The following PIK3CD variants were observed in gnomAD, a reference collection of about 807,000 sequenced individuals.
PIK3CD encodes phosphatidylinositol-4,5-bisphosphate 3-kinase catalytic subunit delta.
PIK3CD carries 20 observed loss-of-function variants against 122.9 expected under a neutral mutation model. That is an observed-to-expected ratio of 0.16 (90% CI 0.11 to 0.24). The LOEUF (loss-of-function observed/expected upper bound fraction) is 0.24, where lower values mean the gene tolerates loss of function less well. Ranked by LOEUF, PIK3CD falls within the 10% of genes least tolerant of loss-of-function variation. PIK3CD has a pLI of 1.00. For missense variants in PIK3CD, 787 were observed against 1,406.3 expected, an observed-to-expected ratio of 0.56 and a Z score of 7.04; for synonymous variants, 596 against 593.4, an observed-to-expected ratio of 1.00 and a Z score of -0.06.
upstream of PIK3CD, among the ~76,000 whole-genome samples, chr1:9,650,060 T>C (rs1644643506): frequency 6.6e-6 from 1 of 152,154 alleles, no homozygotes; most frequent in South Asian, 2.1e-4. Flanking sequence ...AATACAAGAC[T>C]GGATGAAGGC....
chr1:9,654,460 C>G, intron 1 of PIK3CD: 1 of 1,340,202 alleles, frequency 7.5e-7, no homozygotes, highest in South Asian at 1.1e-5. Flanking sequence ...GCTTACAGGA[C>G]AGACAGTCCA....
rs1649843991 is a variant in PIK3CD at position 9,727,468 on chromosome 1, C to T, written c.*422C>T. 2 of 382,380 alleles carry T rather than the reference C, an allele frequency of 5.2e-6. No homozygotes were observed. Among genetic ancestry groups the T allele is most frequent in the African/African-American group, 2.0e-5 (1 of 48,888 alleles). 23.7% of individuals were successfully genotyped at this position (382,380 alleles called of 1,614,324 possible). ...GATGCCTTGATCCTCGTGCGACCCA[C>T]CCTGTGTATCCTCCCTAGACTGAGT... On this transcript the variant is annotated 3_prime_UTR_variant, in exon 24 of 24. Coordinates refer to ENST00000377346, the MANE Select transcript of PIK3CD (RefSeq NM_005026.5).
rs1646985628 is a variant in PIK3CD, at chr1:9,710,002, G to A, written c.-32-422G>A. Among the ~76,000 whole-genome samples, 1 of 150,580 alleles carries A rather than the reference G, an allele frequency of 6.6e-6. No homozygotes were observed. The highest frequency in any genetic ancestry group is 2.5e-5 in the African/African-American group (1 of 40,678). On this transcript the variant is annotated intron_variant, in intron 2 of 23. Transcript: ENST00000377346. The surrounding 1 kb of genome is among the most constrained non-coding windows in gnomAD (Gnocchi z 4.7). Reference sequence around the variant, plus strand: ...GCCTGGGTGACAGAGCAAGACTCCGGCTCAAAAAAAAAAAAAGAATGTATT... The same window carrying A: ...GCCTGGGTGACAGAGCAAGACTCCGACTCAAAAAAAAAAAAAGAATGTATT...
upstream of PIK3CD, among the ~76,000 whole-genome samples, chr1:9,651,443 G>A (rs775801667): frequency 2.6e-5 from 4 of 152,134 alleles, no homozygotes; most frequent in Non-Finnish European, 5.9e-5. Context: ...GCGTGAAGGC[G>A]GAGCGCTTAA....
At chr1:9,635,247 C>T in the PIK3CD span, among the ~76,000 whole-genome samples, 2 of 149,814 alleles carry the variant, frequency 1.3e-5, no homozygotes, top group Admixed American at 6.7e-5. Flanking sequence ...TGTACTCCAG[C>T]CTGGGCAACA....
rs1395291518 is a variant in PIK3CD, at chr1:9,719,485, C to T, written c.1243-436C>T. Among the ~76,000 whole-genome samples the T allele has an allele frequency of 5.3e-4, 81 of 152,078 alleles. 1 individual carries two copies. Among genetic ancestry groups the T allele is most frequent in the Non-Finnish European group, 1.5e-4 (10 of 68,006 alleles). On this transcript the variant is annotated intron_variant, in intron 9 of 23. Coordinates refer to ENST00000377346, the MANE Select transcript of PIK3CD (RefSeq NM_005026.5). The surrounding 1 kb of genome is among the most constrained non-coding windows in gnomAD (Gnocchi z 5.5). ...ACCAGCCTGGCCAATATGGTGAAACCCTGTCTCTACTGAAAATACAAAAAA... is the reference window on the plus strand; with the variant it reads ...ACCAGCCTGGCCAATATGGTGAAACTCTGTCTCTACTGAAAATACAAAAAA...
rs1336207078 is a variant in PIK3CD, at chr1:9,681,618, G to T, written c.-137-9849G>T. ...TGGTTTCACCATGTTAGCCAGGCTG[G>T]CTTGAACTCCTGACCTCAGGCAATC... is the stretch of plus-strand genomic sequence containing the variant. On this transcript the variant is annotated intron_variant, in intron 1 of 23. Coordinates refer to ENST00000377346, the MANE Select transcript of PIK3CD (RefSeq NM_005026.5). 2.0e-5 allele frequency among the ~76,000 whole-genome samples: 3 copies of T among 152,286 alleles called. No homozygotes were observed. In the East Asian group the frequency reaches 5.8e-4, roughly 29 times the overall value.
chr1:9,721,165 C>T lies in PIK3CD; in HGVS notation c.1728C>T (p.Val576=). ...YLLCSWPELP[V]LSALELLDFS... ...TGTGCTCCTGGCCGGAGCTGCCCGTCCTGAGCGCCCTGGAGCTGCTAGACT... is the reference window on the plus strand; with the variant it reads ...TGTGCTCCTGGCCGGAGCTGCCCGTTCTGAGCGCCCTGGAGCTGCTAGACT... The change falls in exon 14 of 24, where the codon GTC becomes GTT. Residue 576 remains valine (V), a synonymous_variant. Coordinates refer to ENST00000377346, the MANE Select transcript of PIK3CD (RefSeq NM_005026.5). 6.2e-7 allele frequency: 1 copy of T among 1,613,120 alleles called. No individual in the cohort carries two copies. Among genetic ancestry groups the T allele is most frequent in the South Asian group, 1.1e-5 (1 of 91,088 alleles).
the PIK3CD span, among the ~76,000 whole-genome samples, chr1:9,628,725 G>A: frequency 1.3e-5 from 2 of 152,206 alleles, no homozygotes; most frequent in Non-Finnish European, 2.9e-5. Context: ...TGAGGGCTCT[G>A]TGGAATGTTG....
chr1:9,641,088 AT>A, the PIK3CD span, among the ~76,000 whole-genome samples: 1 of 151,924 alleles, frequency 6.6e-6, no homozygotes, highest in Non-Finnish European at 1.5e-5. Flanking sequence ...ACTGTATCTT[AT>A]TTTTATTCTT....
At chr1:9,644,711 C>A in the PIK3CD span, among the ~76,000 whole-genome samples, 1 of 151,362 alleles carries the variant, frequency 6.6e-6, no homozygotes, top group Non-Finnish European at 1.5e-5. Context: ...TTTGAATTGT[C>A]AAAAAAAATG....
rs371514586 is a variant in PIK3CD at position 9,722,169 on chromosome 1, G to A, written c.2234+16G>A. 5.6e-5 allele frequency: 90 copies of A among 1,612,138 alleles called. No homozygotes were observed. The highest frequency in any genetic ancestry group is 2.0e-4 in the African/African-American group (15 of 74,838). Reference sequence around the variant, plus strand: ...CTGAAGTCTGGTGAGCCCAAGCCCCGCCACAAGGGTTCCTCCCACCCCTGG... The same window carrying A: ...CTGAAGTCTGGTGAGCCCAAGCCCCACCACAAGGGTTCCTCCCACCCCTGG... On this transcript the variant is annotated intron_variant, in intron 17 of 23. Coordinates refer to ENST00000377346, the MANE Select transcript of PIK3CD (RefSeq NM_005026.5). This position sits in a 1 kb window ranked among gnomAD's most constrained non-coding sequence, Gnocchi z 7.6.
chr1:9,720,715 G>T lies in PIK3CD; in HGVS notation c.1522-27G>T, dbSNP rs769665023. On this transcript the variant is annotated intron_variant, in intron 12 of 23. Transcript: ENST00000377346. The surrounding 1 kb of genome is among the most constrained non-coding windows in gnomAD (Gnocchi z 9.0). ...GGCATGGAGCCGGCGTGGAACCAGA[G>T]CCCTCACTCCTGCCCACACCCCTCA... 1 of 1,604,144 alleles carries T rather than the reference G, an allele frequency of 6.2e-7. No individual in the cohort carries two copies. The highest frequency in any genetic ancestry group is 1.3e-5 in the African/African-American group (1 of 74,830).
At position 9,721,429 on chromosome 1, in the gene PIK3CD, C is replaced by T. The variant is rs1335394149; in HGVS notation, c.1812-15C>T. Reference sequence around the variant, plus strand: ...GTCGGGGAGCTCCAGGCCCCAGCGCCTTCCTTCCCTGCAGGGACGATGAGC... The same window carrying T: ...GTCGGGGAGCTCCAGGCCCCAGCGCTTTCCTTCCCTGCAGGGACGATGAGC... On this transcript the variant is annotated splice_polypyrimidine_tract_variant and intron_variant, in intron 14 of 23. Coordinates refer to ENST00000377346, the MANE Select transcript of PIK3CD (RefSeq NM_005026.5). The T allele has an allele frequency of 6.2e-7, 1 of 1,613,090 alleles. No homozygotes were observed.
At chr1:9,628,755 CT>C in the PIK3CD span, among the ~76,000 whole-genome samples, 1 of 151,964 alleles carries the variant, frequency 6.6e-6, no homozygotes, top group East Asian at 1.9e-4. Context: ...CCAGAGGCAG[CT>C]GGAGGGGAAG....
chr1:9,630,813 T>C, the PIK3CD span, among the ~76,000 whole-genome samples: 741 of 149,400 alleles, frequency 5.0e-3, 2 homozygotes, highest in African/African-American at 0.018. Context: ...ACGTCCAGAG[T>C]CAGACAGCAA....
rs1408095549 is a variant in PIK3CD, at chr1:9,700,263, G to A, written c.-33+8692G>A. On this transcript the variant is annotated intron_variant, in intron 2 of 23. Coordinates refer to ENST00000377346, the MANE Select transcript of PIK3CD (RefSeq NM_005026.5). This position sits in a 1 kb window ranked among gnomAD's most constrained non-coding sequence, Gnocchi z 5.1. ...CTCGTGGCTCAGCCTCCCAATAGCT[G>A]AGGTCAGATCCCTCAGACGTTCACA... 1.3e-5 allele frequency among the ~76,000 whole-genome samples: 2 copies of A among 152,032 alleles called. No homozygotes were observed. Among genetic ancestry groups the A allele is most frequent in the Admixed American group, 1.3e-4 (2 of 15,262 alleles).
At chr1:9,627,566 G>GTGA in the PIK3CD span, among the ~76,000 whole-genome samples, 12 of 152,356 alleles carry the variant, frequency 7.9e-5, no homozygotes, top group Middle Eastern at 3.4e-3. Flanking sequence ...GGTGACAGTG[G>GTGA]TGATGATGAT....
intron 1 of PIK3CD, among the ~76,000 whole-genome samples, chr1:9,675,385 C>CAAAAAAAAAAAAA (rs34447888): frequency 1.7e-5 from 1 of 59,502 alleles, no homozygotes; most frequent in Non-Finnish European, 3.8e-5. Context: ...GACTCCGTCT[C>CAAAAAAAAAAAAA]AAAAAAAAAA....
Sources: allele counts gnomAD v4.1 joint callset (sites outside exome capture counted in the v4.1 genomes callset), GRCh38; gene constraint gnomAD v4.1.1; non-coding constraint Gnocchi (gnomAD v3.1); transcripts MANE v1.5; gene names NCBI Gene and HGNC (gene_info 2026-07-23, HGNC 2026-07-21).